The following PRKG1 variants were observed in gnomAD, a reference collection of about 807,000 sequenced individuals.
PRKG1 encodes cGMP-dependent protein kinase 1.
In PRKG1, 35 loss-of-function variants were observed where a neutral mutation model predicts 88.1. That is an observed-to-expected ratio of 0.40 (90% CI 0.30 to 0.53). PRKG1 has a LOEUF of 0.53. Ranked by LOEUF, PRKG1 falls within the 20% of genes least tolerant of loss-of-function variation. PRKG1 has a pLI of 0.59. For missense variants in PRKG1, 540 were observed against 839.8 expected (o/e 0.64, Z 4.41); for synonymous variants, 303 against 292.5 (o/e 1.04, Z -0.37).
At chr10:51,725,899 AGAGTGCTGGGATTACAGGCAT>A (rs1255985698) in intron 3 of PRKG1, among the ~76,000 whole-genome samples, 1 of 152,160 alleles carries the variant, frequency 6.6e-6, no homozygotes, top group Non-Finnish European at 1.5e-5. Flanking sequence ...TTGACCTCCC[AGAGTGCTGGGATTACAGGCAT>A]GAGCCACCGT....
intron 3 of PRKG1, among the ~76,000 whole-genome samples, chr10:51,771,570 G>A (rs1020368870): frequency 7.2e-5 from 11 of 151,864 alleles, no homozygotes; most frequent in Non-Finnish European, 1.0e-4. Flanking sequence ...ATTATTCCAC[G>A]CTTGGCCTTG....
chr10:51,545,192 G>A (rs916659750), intron 3 of PRKG1, among the ~76,000 whole-genome samples: 6 of 151,938 alleles, frequency 3.9e-5, no homozygotes, highest in East Asian at 1.9e-4. Context: ...CAATCTACTC[G>A]AAAAATAAAT....
chr10:51,922,753 C>T (rs1340154424), intron 5 of PRKG1, among the ~76,000 whole-genome samples: 1 of 151,958 alleles, frequency 6.6e-6, no homozygotes, highest in African/African-American at 2.4e-5. Context: ...GTAGTCTAAA[C>T]ACATACTTTG....
At chr10:51,739,311 ACTC>A (rs1158770605) in intron 3 of PRKG1, among the ~76,000 whole-genome samples, 1 of 151,954 alleles carries the variant, frequency 6.6e-6, no homozygotes, top group Non-Finnish European at 1.5e-5. Context: ...GCTTCCCAAA[ACTC>A]CTAGCTATAT....
At chr10:51,151,421 T>C (rs1846068917) in intron 1 of PRKG1, among the ~76,000 whole-genome samples, 1 of 151,986 alleles carries the variant, frequency 6.6e-6, no homozygotes, top group African/African-American at 2.4e-5. Context: ...CATATAAACC[T>C]ATTCAGCTGA....
intron 1 of PRKG1, among the ~76,000 whole-genome samples, chr10:51,094,053 T>A (rs1046489056): frequency 6.6e-6 from 1 of 151,974 alleles, no homozygotes; most frequent in Non-Finnish European, 1.5e-5. Flanking sequence ...GCACAGTAGA[T>A]GTGCAGTGAA....
At chr10:51,376,050 G>T (rs1222321076) in intron 2 of PRKG1, among the ~76,000 whole-genome samples, 1 of 152,150 alleles carries the variant, frequency 6.6e-6, no homozygotes, top group African/African-American at 2.4e-5. Context: ...CCGACAAGAG[G>T]TTATGCTCAA....
At chr10:51,831,248 G>T (rs1839999164) in intron 4 of PRKG1, among the ~76,000 whole-genome samples, 1 of 151,898 alleles carries the variant, frequency 6.6e-6, no homozygotes, top group Non-Finnish European at 1.5e-5. Context: ...CAAACAATGT[G>T]TCACTTATTT....
At chr10:51,251,742 A>G (rs1281014722) in intron 2 of PRKG1, among the ~76,000 whole-genome samples, 1 of 151,760 alleles carries the variant, frequency 6.6e-6, no homozygotes, top group Non-Finnish European at 1.5e-5. Context: ...CTAAGAATCA[A>G]CCTCTGGCTC....
intron 3 of PRKG1, among the ~76,000 whole-genome samples, chr10:51,492,288 G>A (rs1308511395): frequency 7.2e-5 from 11 of 152,066 alleles, no homozygotes; most frequent in Non-Finnish European, 1.2e-4. Flanking sequence ...GTTTTTATAA[G>A]AATATTCTTT....
intron 2 of PRKG1, chr10:51,245,710 TA>T (rs1839271523): frequency 6.6e-6 from 1 of 152,134 alleles, no homozygotes; most frequent in African/African-American, 2.4e-5. Flanking sequence ...AACAACCTCA[TA>T]TGATACAACC....
At chr10:52,026,838 G>T (rs1366417917) in intron 5 of PRKG1, among the ~76,000 whole-genome samples, 1 of 152,136 alleles carries the variant, frequency 6.6e-6, no homozygotes, top group Admixed American at 6.5e-5. Flanking sequence ...AGCTGGGCGT[G>T]GTGGTGAGCA....
chr10:51,432,844 C>T (rs1266123920), intron 2 of PRKG1, among the ~76,000 whole-genome samples: 2 of 152,138 alleles, frequency 1.3e-5, no homozygotes, highest in Non-Finnish European at 2.9e-5. Flanking sequence ...TTAACTACGT[C>T]CCTTCATCAC....
chr10:51,582,719 G>A (rs1416970358), intron 3 of PRKG1, among the ~76,000 whole-genome samples: 2 of 152,030 alleles, frequency 1.3e-5, no homozygotes, highest in Non-Finnish European at 2.9e-5. Context: ...GGGCATTTGG[G>A]TTGGTTCCAT....
chr10:51,264,853 G>A (rs60923190), intron 2 of PRKG1, among the ~76,000 whole-genome samples: 2,004 of 152,104 alleles, frequency 0.013, 48 homozygotes, highest in African/African-American at 0.045. Flanking sequence ...CATATATTTG[G>A]GAATTGTCCT....
At chr10:51,814,165 A>G (rs1042921461) in intron 4 of PRKG1, among the ~76,000 whole-genome samples, 3 of 152,192 alleles carry the variant, frequency 2.0e-5, no homozygotes, top group Non-Finnish European at 4.4e-5. Context: ...GTTCTTGCTT[A>G]GGCTATGCTC....
intron 4 of PRKG1, among the ~76,000 whole-genome samples, chr10:51,845,526 G>C (rs988386855): frequency 3.3e-5 from 5 of 152,066 alleles, no homozygotes; most frequent in Non-Finnish European, 7.4e-5. Flanking sequence ...GTAAAATGTG[G>C]ACATTAAATT....
At chr10:51,916,637 G>A (rs1020358094) in intron 5 of PRKG1, among the ~76,000 whole-genome samples, 14 of 152,092 alleles carry the variant, frequency 9.2e-5, no homozygotes, top group African/African-American at 3.1e-4. Context: ...CCCCTTTCTT[G>A]TAACTGTATG....
chr10:51,420,793 T>C (rs1166925615), intron 2 of PRKG1, among the ~76,000 whole-genome samples: 1 of 152,170 alleles, frequency 6.6e-6, no homozygotes. Context: ...GCAGGAAGCA[T>C]AGTGCAAGCA....
Sources: allele counts gnomAD v4.1 joint callset (sites outside exome capture counted in the v4.1 genomes callset), GRCh38; gene constraint gnomAD v4.1.1; transcripts MANE v1.5; gene names NCBI Gene and HGNC (gene_info 2026-07-23, HGNC 2026-07-21).